GMPS: variants seen among roughly 807,000 people sequenced by gnomAD.
GMPS encodes GMP synthase [glutamine-hydrolyzing].
In GMPS, 15 loss-of-function variants were observed where a neutral mutation model predicts 77.9. The observed-to-expected ratio is 0.19, with a 90% CI of 0.13 to 0.30. The LOEUF (loss-of-function observed/expected upper bound fraction) is 0.30. Ranked by LOEUF, GMPS falls within the 10% of genes least tolerant of loss-of-function variation. The pLI is 1.00. For synonymous variants in GMPS, 224 were observed against 275.9 expected, an observed-to-expected ratio of 0.81 and a Z score of 1.86; for missense variants, 590 against 838.8, an observed-to-expected ratio of 0.70 and a Z score of 3.66.
Position 155,943,062 on chromosome 3 carries a change from T to A in GMPS, c.*5370T>A, listed in dbSNP as rs1420850314. The A allele has an allele frequency of 5.7e-6, 1 of 175,974 alleles. No homozygotes were observed. Among genetic ancestry groups the A allele is most frequent in the Non-Finnish European group, 1.2e-5 (1 of 81,800 alleles). 10.9% of individuals were successfully genotyped at this position (175,974 alleles called of 1,614,324 possible). On this transcript the variant is annotated 3_prime_UTR_variant, in exon 16 of 16. Coordinates refer to ENST00000496455, the MANE Select transcript of GMPS (RefSeq NM_003875.3). ...CGTGGCCAACATGGTGAAACCCCAT[T>A]TCTACTAAAAATGTAAAAATTAGCT...
intron 1 of GMPS, among the ~76,000 whole-genome samples, chr3:155,872,296 A>G (rs1022649897): frequency 9.2e-5 from 14 of 152,224 alleles, no homozygotes; most frequent in Admixed American, 2.6e-4. Flanking sequence ...CTTTTAAACC[A>G]AGGCACCAGT....
Position 155,893,651 on chromosome 3 carries a change from T to C in GMPS, c.161T>C (p.Ile54Thr). The C allele has an allele frequency of 6.2e-7, 1 of 1,611,974 alleles. No individual in the cohort carries two copies. The highest frequency in any genetic ancestry group is 2.2e-5 in the East Asian group (1 of 44,804). Residue 54 changes from isoleucine to threonine, a missense_variant, in exon 2 of 16, where the codon ATT becomes ACT. Coordinates refer to ENST00000496455, the MANE Select transcript of GMPS (RefSeq NM_003875.3). ...RVRELFVQSE[I>T]FPLETPAFAI... ...AGGGAACTGTTCGTGCAGTCTGAAATTTTCCCCTTGGAAACACCAGCATTT... is the reference window on the plus strand; with the variant it reads ...AGGGAACTGTTCGTGCAGTCTGAAACTTTCCCCTTGGAAACACCAGCATTT...
intron 8 of GMPS, among the ~76,000 whole-genome samples, chr3:155,914,943 A>G (rs1755136109): frequency 6.7e-6 from 1 of 149,532 alleles, no homozygotes. Context: ...TAATTTTTGT[A>G]CTTTTAGTAG....
At chr3:155,917,993 C>T (rs551596152) in intron 9 of GMPS, among the ~76,000 whole-genome samples, 64 of 152,314 alleles carry the variant, frequency 4.2e-4, no homozygotes, top group Non-Finnish European at 3.1e-4. Flanking sequence ...ATTGCTGGAT[C>T]ATATGGTAGT....
At chr3:155,891,413 T>G (rs965311495) in intron 1 of GMPS, among the ~76,000 whole-genome samples, 3 of 152,192 alleles carry the variant, frequency 2.0e-5, no homozygotes, top group Admixed American at 1.3e-4. Flanking sequence ...TGTGTGTATG[T>G]GTATACATTA....
Position 155,877,922 on chromosome 3 carries a change from C to T in GMPS, c.27+7025C>T, listed in dbSNP as rs568472485. 1.2e-3 allele frequency among the ~76,000 whole-genome samples: 186 copies of T among 151,894 alleles called. 1 individual carries two copies. The highest frequency in any genetic ancestry group is 4.0e-3 in the African/African-American group (165 of 41,402). ...TCAGCCTCCCGAGTAGCTGGGCATG[C>T]GCCACCATGCCCAGCTAATTTTTGT... On this transcript the variant is annotated intron_variant, in intron 1 of 15. Transcript: ENST00000496455.
At chr3:155,936,236 G>A in intron 14 of GMPS, 102 bp from the exon 15 acceptor site, 3 of 731,296 alleles carry the variant, frequency 4.1e-6, no homozygotes, top group East Asian at 2.5e-5. Flanking sequence ...TACGCTGTGT[G>A]TGTATATGTG....
At position 155,879,097 on chromosome 3, in the gene GMPS, G is replaced by T. The variant is rs142290094; in HGVS notation, c.27+8200G>T. Among the ~76,000 whole-genome samples the T allele has an allele frequency of 3.3e-5, 5 of 152,180 alleles. No homozygotes were observed. The East Asian group carries it at 9.7e-4, about 29-fold the overall frequency. On this transcript the variant is annotated intron_variant, in intron 1 of 15. Coordinates refer to ENST00000496455, the MANE Select transcript of GMPS (RefSeq NM_003875.3). ...TGCCTGCTCACATTGGATGAGGGTG[G>T]ATCTTCCTTTCTGTGTCTACTGATT...
intron 1 of GMPS, among the ~76,000 whole-genome samples, chr3:155,877,753 C>A (rs1410356834): frequency 6.6e-6 from 1 of 151,010 alleles, no homozygotes; most frequent in Non-Finnish European, 1.5e-5. Context: ...GGGCCCACTT[C>A]CTGGGTCATA....
intron 1 of GMPS, among the ~76,000 whole-genome samples, chr3:155,873,690 A>AG (rs1335755027): frequency 8.1e-6 from 1 of 123,830 alleles, no homozygotes; most frequent in East Asian, 2.7e-4. Flanking sequence ...GCTGGAGTGC[A>AG]GTGGTGTGAT....
chr3:155,893,828 C>A, intron 2 of GMPS, 129 bp downstream of exon 2: 1 of 561,824 alleles, frequency 1.8e-6, no homozygotes, highest in Non-Finnish European at 3.0e-6. Flanking sequence ...AGAAATTTCC[C>A]ATGGCTCTGA....
intron 8 of GMPS, 84 bp from the exon 9 acceptor site, chr3:155,915,935 C>CT (rs1254076543): frequency 9.5e-6 from 8 of 841,602 alleles, no homozygotes; most frequent in African/African-American, 6.9e-5. Flanking sequence ...CTAAAGGACT[C>CT]TAAGAGATTT....
At chr3:155,884,041 G>T (rs112028184) in intron 1 of GMPS, among the ~76,000 whole-genome samples, 4 of 151,372 alleles carry the variant, frequency 2.6e-5, no homozygotes, top group South Asian at 2.1e-4. Context: ...CTATAATAAA[G>T]ATTTTAATCT....
intron 1 of GMPS, among the ~76,000 whole-genome samples, chr3:155,873,863 C>T (rs1395164157): frequency 2.6e-5 from 4 of 151,228 alleles, no homozygotes; most frequent in African/African-American, 4.9e-5. Flanking sequence ...TCTTGATCTC[C>T]TGGCCTCGTG....
At chr3:155,914,079 T>G (rs1755107218) in intron 7 of GMPS, among the ~76,000 whole-genome samples, 2 of 152,048 alleles carry the variant, frequency 1.3e-5, no homozygotes, top group Admixed American at 1.3e-4. Context: ...CCCAAGTAGC[T>G]GGGACTACAG....
intron 12 of GMPS, among the ~76,000 whole-genome samples, chr3:155,929,368 A>G (rs1003497531): frequency 1.3e-5 from 2 of 152,170 alleles, no homozygotes; most frequent in Non-Finnish European, 2.9e-5. Context: ...ATATCTCAAA[A>G]TAATAAGAGC....
At chr3:155,913,185 T>C (rs538532122) in intron 7 of GMPS, among the ~76,000 whole-genome samples, 1 of 152,360 alleles carries the variant, frequency 6.6e-6, no homozygotes, top group African/African-American at 2.4e-5. Flanking sequence ...CTTCTCTGGG[T>C]AGTTGACCAG....
At chr3:155,918,703 A>G (rs1755245649) in intron 9 of GMPS, among the ~76,000 whole-genome samples, 1 of 152,216 alleles carries the variant, frequency 6.6e-6, no homozygotes, top group African/African-American at 2.4e-5. Context: ...TTTGTTATAC[A>G]GATTATTTCA....
intron 11 of GMPS, among the ~76,000 whole-genome samples, chr3:155,924,783 T>C (rs543919272): frequency 2.6e-5 from 4 of 152,248 alleles, no homozygotes; most frequent in African/African-American, 7.2e-5. Flanking sequence ...ATCTGCTTAG[T>C]ATAGAATAGT....
Sources: gnomAD v4.1 joint callset for allele counts (sites outside exome capture counted in the v4.1 genomes callset) on GRCh38, gnomAD v4.1.1 for gene constraint, MANE v1.5 for transcripts, NCBI Gene and HGNC (gene_info 2026-07-23, HGNC 2026-07-21) for gene names.